Variants in GJA5 observed in about 807,000 individuals in gnomAD.
GJA5 encodes gap junction alpha-5 protein.
In GJA5, 3 loss-of-function variants were observed where a neutral mutation model predicts 7.9. The observed-to-expected ratio is 0.38, with a 90% CI of 0.17 to 0.99. GJA5 has a LOEUF of 0.99. Among genes scored for constraint, GJA5 ranks in the 50% least tolerant of loss-of-function variants. The pLI is 0.38. For synonymous variants in GJA5, 193 were observed against 181.0 expected, an observed-to-expected ratio of 1.07 and a Z score of -0.53; for missense variants, 390 against 457.9, an observed-to-expected ratio of 0.85 and a Z score of 1.35.
At chr1:147,772,324 A>T (rs1415914119) in intron 1 of GJA5, among the ~76,000 whole-genome samples, 1 of 152,160 alleles carries the variant, frequency 6.6e-6, no homozygotes, top group Non-Finnish European at 1.5e-5. Context: ...CAGGATGAGA[A>T]ATTCTTGTGT....
chr1:147,770,955 C>A, intron 1 of GJA5, among the ~76,000 whole-genome samples: 1 of 152,214 alleles, frequency 6.6e-6, no homozygotes, highest in Admixed American at 6.5e-5. Flanking sequence ...TCCAGCTCAA[C>A]CCTTGAGCCC....
chr1:147,768,141 G>A (rs1664274577), intron 1 of GJA5, among the ~76,000 whole-genome samples: 1 of 152,204 alleles, frequency 6.6e-6, no homozygotes, highest in Admixed American at 6.5e-5. Flanking sequence ...AGAGGGGAAA[G>A]GAAGATAGAG....
chr1:147,767,379 G>C (rs1664242948), intron 1 of GJA5, among the ~76,000 whole-genome samples: 1 of 151,592 alleles, frequency 6.6e-6, no homozygotes, highest in South Asian at 2.1e-4. Flanking sequence ...CTGAGGAAGT[G>C]GGGACTATTC....
chr1:147,770,487 A>G (rs1374796888), intron 1 of GJA5, among the ~76,000 whole-genome samples: 2 of 152,160 alleles, frequency 1.3e-5, no homozygotes, highest in Non-Finnish European at 2.9e-5. Context: ...TTGGAATTAT[A>G]TGTCGTAGGA....
upstream of GJA5, among the ~76,000 whole-genome samples, chr1:147,765,090 A>G (rs1230136615): frequency 6.6e-6 from 1 of 152,204 alleles, no homozygotes; most frequent in East Asian, 1.9e-4. Flanking sequence ...GTAAAAATAA[A>G]ACCTCACAAT....
chr1:147,763,840 C>G (rs1032236239), upstream of GJA5, among the ~76,000 whole-genome samples: 1 of 151,918 alleles, frequency 6.6e-6, no homozygotes. Flanking sequence ...GATGAAGTCT[C>G]GCTTTGTCAC....
upstream of GJA5, among the ~76,000 whole-genome samples, chr1:147,763,128 A>G (rs1289540905): frequency 1.3e-5 from 2 of 152,208 alleles, no homozygotes; most frequent in Non-Finnish European, 2.9e-5. Context: ...ACTTATGTGC[A>G]TCTCACCATT....
At position 147,758,282 on chromosome 1, in the gene GJA5, C is replaced by T; in HGVS notation, c.957G>A (p.Gln319=). The T allele has an allele frequency of 6.2e-7, 1 of 1,614,134 alleles. No individual in the cohort carries two copies. Among genetic ancestry groups the T allele is most frequent in the Non-Finnish European group, 8.5e-7 (1 of 1,179,994 alleles). ...GEGFIQVRYG[Q]KPEVPNGVSP... is the part of the protein sequence containing the mutation. ...AGACTCCATTGGGCACCTCAGGCTT[C>T]TGGCCATAACGAACCTGGATGAAAC... is the stretch of plus-strand genomic sequence containing the variant. Residue 319 remains glutamine (Q), a synonymous_variant, in exon 2 of 2, where the codon CAG becomes CAA. Coordinates refer to ENST00000579774, the MANE Select transcript of GJA5 (RefSeq NM_181703.4).
chr1:147,758,244 C>G lies in GJA5; in HGVS notation c.995G>C (p.Arg332Pro). ...EVPNGVSPGH[R>P]LPHGYHSDKR... ...GTCACTATGATAGCCATGGGGAAGG[C>G]GGTGACCTGGTGAGACTCCATTGGG... Residue 332 changes from arginine to proline, a missense_variant, in exon 2 of 2, where the codon CGC (arginine) becomes CCC (proline). Physicochemically the swap from Arg to Pro is moderately radical, Grantham distance 103 (BLOSUM62 -2). Transcript: ENST00000579774. The G allele has an allele frequency of 6.2e-7, 1 of 1,614,094 alleles. No homozygotes were observed. Among genetic ancestry groups the G allele is most frequent in the East Asian group, 2.2e-5 (1 of 44,866 alleles).
chr1:147,766,259 C>T (rs1343945270), intron 1 of GJA5, among the ~76,000 whole-genome samples: 1 of 152,118 alleles, frequency 6.6e-6, no homozygotes, highest in Non-Finnish European at 1.5e-5. Flanking sequence ...ACCCCAAACC[C>T]CTTAGTGCTC....
intron 1 of GJA5, among the ~76,000 whole-genome samples, chr1:147,766,978 G>A (rs1009655262): frequency 2.0e-5 from 3 of 152,130 alleles, no homozygotes; most frequent in South Asian, 2.1e-4. Flanking sequence ...AGTGCTTATC[G>A]AGCTCCTCTG....
chr1:147,758,064 G>A lies in GJA5; in HGVS notation c.*98C>T. 3 of 876,610 alleles carry A rather than the reference G, an allele frequency of 3.4e-6. No homozygotes were observed. The Admixed American group carries it at 5.1e-5, about 15-fold the overall frequency. The allele number at this position is 876,610 out of a possible 1,614,324, so 54.3% of individuals were successfully genotyped here. ...ACCCGGGGCTCAAAGGAGCCAAGCA[G>A]TGATGACAGTGAGAAAGCATCAGTT... On this transcript the variant is annotated 3_prime_UTR_variant, in exon 2 of 2. Transcript: ENST00000579774.
At chr1:147,770,274 C>T (rs1179729676) in intron 1 of GJA5, among the ~76,000 whole-genome samples, 1 of 152,188 alleles carries the variant, frequency 6.6e-6, no homozygotes, top group Non-Finnish European at 1.5e-5. Flanking sequence ...ACTTTGCTCA[C>T]ATGTGAAACA....
upstream of GJA5, among the ~76,000 whole-genome samples, chr1:147,761,133 T>C (rs1663992420): frequency 6.6e-6 from 1 of 152,176 alleles, no homozygotes; most frequent in South Asian, 2.1e-4. Flanking sequence ...GAATTCTTAC[T>C]TAGTGAATAA....
At chr1:147,769,764 A>G (rs111870188) in intron 1 of GJA5, among the ~76,000 whole-genome samples, 6,400 of 151,894 alleles carry the variant, frequency 0.042, 463 homozygotes, top group African/African-American at 0.15. Context: ...AGGCATCCAG[A>G]CCTCCTGGGT....
upstream of GJA5, among the ~76,000 whole-genome samples, chr1:147,764,839 A>AAG (rs1664143919): frequency 6.6e-6 from 1 of 150,852 alleles, no homozygotes; most frequent in African/African-American, 2.5e-5. Flanking sequence ...AAAAAAAAAA[A>AAG]AAAATTAATA....
chr1:147,762,443 G>T (rs1664051516), upstream of GJA5, among the ~76,000 whole-genome samples: 1 of 152,138 alleles, frequency 6.6e-6, no homozygotes, highest in African/African-American at 2.4e-5. Context: ...CTGCCAAGAG[G>T]CTTGACTGCT....
rs781831348 is a variant in GJA5 at position 147,758,874 on chromosome 1, G to C, written c.365C>G (p.Ser122Cys). The change falls in exon 2 of 2, where the codon TCT (serine) becomes TGT (cysteine). Residue 122 changes from serine (S) to cysteine (C), a missense_variant. Physicochemically the swap from Ser to Cys is moderately radical, Grantham distance 112 (BLOSUM62 -1). Coordinates refer to ENST00000579774, the MANE Select transcript of GJA5 (RefSeq NM_181703.4). ...CTTCTCTGCCACCGGGTACTCGTAA[G>C]AGCCAGAGCCCCGGACCTCTTTGGC... ...ERAKEVRGSGSYEYPVAEKAE... is the reference protein window; with the variant it reads ...ERAKEVRGSGCYEYPVAEKAE... 2 of 1,614,216 alleles carry C rather than the reference G, an allele frequency of 1.2e-6. No individual in the cohort carries two copies. Among genetic ancestry groups the C allele is most frequent in the Non-Finnish European group, 1.7e-6 (2 of 1,180,032 alleles).
At chr1:147,766,169 C>T (rs1405181477) in intron 1 of GJA5, among the ~76,000 whole-genome samples, 1 of 152,166 alleles carries the variant, frequency 6.6e-6, no homozygotes, top group Non-Finnish European at 1.5e-5. Flanking sequence ...CATGTATTCT[C>T]TCTCCCACTC....
Sources: allele counts gnomAD v4.1 joint callset (sites outside exome capture counted in the v4.1 genomes callset), GRCh38; gene constraint gnomAD v4.1.1; transcripts MANE v1.5; gene names NCBI Gene and HGNC (gene_info 2026-07-23, HGNC 2026-07-21).